ANKRD44: variants seen among roughly 807,000 people sequenced by gnomAD.
ANKRD44 encodes ankyrin repeat domain 44.
In ANKRD44, 35 loss-of-function variants were observed where a neutral mutation model predicts 116.0. The ratio of observed to expected loss-of-function variants is 0.30; its 90% CI spans 0.23 to 0.40. The LOEUF (loss-of-function observed/expected upper bound fraction) is 0.40. Ranked by LOEUF, ANKRD44 falls within the 10% of genes least tolerant of loss-of-function variation. The pLI, the probability that ANKRD44 is intolerant of heterozygous loss-of-function variation, is 1.00. For synonymous variants in ANKRD44, 435 were observed against 461.8 expected (o/e 0.94, Z 0.74); for missense variants, 1,014 against 1,242.6 (o/e 0.82, Z 2.77).
chr2:197,051,189 T>G (rs2077100261), intron 16 of ANKRD44, among the ~76,000 whole-genome samples: 3 of 151,866 alleles, frequency 2.0e-5, no homozygotes. Context: ...TCGAACTCCA[T>G]GGCTCAAGGG....
chr2:197,233,826 T>C (rs916070615), intron 1 of ANKRD44, among the ~76,000 whole-genome samples: 8 of 152,274 alleles, frequency 5.3e-5, no homozygotes, highest in African/African-American at 1.9e-4. Flanking sequence ...GGGATATCTA[T>C]GGACCATTTG....
intron 2 of ANKRD44, among the ~76,000 whole-genome samples, chr2:197,166,851 A>G (rs766286912): frequency 7.9e-5 from 12 of 152,250 alleles, no homozygotes; most frequent in Admixed American, 2.6e-4. Flanking sequence ...TCGCTAGGCT[A>G]TATTGACTTC....
intron 1 of ANKRD44, among the ~76,000 whole-genome samples, chr2:197,292,269 G>A (rs1024289057): frequency 8.5e-5 from 13 of 152,166 alleles, no homozygotes; most frequent in Admixed American, 3.3e-4. Flanking sequence ...CACAATGGTT[G>A]AACTAACTTA....
intron 23 of ANKRD44, 124 bp from the exon 24 acceptor site, chr2:196,999,176 T>C (rs1266981623): frequency 8.7e-7 from 1 of 1,148,476 alleles, no homozygotes; most frequent in Non-Finnish European, 1.2e-6. Flanking sequence ...ATAGACATAG[T>C]GATCAGGTCC....
intron 1 of ANKRD44, among the ~76,000 whole-genome samples, chr2:197,200,664 T>A (rs942986337): frequency 6.6e-6 from 1 of 152,120 alleles, no homozygotes; most frequent in African/African-American, 2.4e-5. Flanking sequence ...CCAAAACACA[T>A]ACAACGCTTG....
chr2:197,287,763 T>C (rs1158719971), intron 1 of ANKRD44, among the ~76,000 whole-genome samples: 1 of 152,176 alleles, frequency 6.6e-6, no homozygotes, highest in Non-Finnish European at 1.5e-5. Flanking sequence ...CTCACGCCTG[T>C]AATCCTAGCA....
chr2:197,205,939 AG>A (rs1460930374), intron 1 of ANKRD44, among the ~76,000 whole-genome samples: 2 of 152,164 alleles, frequency 1.3e-5, no homozygotes, highest in Admixed American at 6.5e-5. Context: ...ACTAGTTCAG[AG>A]GCTGGAGTGT....
intron 1 of ANKRD44, among the ~76,000 whole-genome samples, chr2:197,279,131 C>G (rs2083190968): frequency 6.6e-6 from 1 of 152,172 alleles, no homozygotes. Context: ...GATCGCATAT[C>G]CATCATTCAG....
intron 16 of ANKRD44, among the ~76,000 whole-genome samples, chr2:197,068,890 C>T (rs1278652094): frequency 6.6e-5 from 10 of 152,140 alleles, no homozygotes; most frequent in Admixed American, 2.0e-4. Context: ...GACAGTGTGG[C>T]GATTCCTCGA....
chr2:196,992,898 C>A (rs1252285320), intron 27 of ANKRD44: 1 of 152,554 alleles, frequency 6.6e-6, no homozygotes, highest in Non-Finnish European at 1.5e-5. Context: ...TCATAAACAT[C>A]CAGAAGTTCC....
chr2:197,291,988 G>A (rs2105878890), intron 1 of ANKRD44, among the ~76,000 whole-genome samples: 1 of 152,286 alleles, frequency 6.6e-6, no homozygotes, highest in African/African-American at 2.4e-5. Context: ...CCATGTCCCT[G>A]CAAAGGACAT....
chr2:197,126,343 C>G (rs2078974048), intron 4 of ANKRD44, among the ~76,000 whole-genome samples: 2 of 152,168 alleles, frequency 1.3e-5, no homozygotes, highest in South Asian at 2.1e-4. Context: ...TGAGAACACC[C>G]ATGTGCAAGT....
At chr2:197,206,153 G>A (rs1011507657) in intron 1 of ANKRD44, among the ~76,000 whole-genome samples, 2 of 152,210 alleles carry the variant, frequency 1.3e-5, no homozygotes, top group South Asian at 2.1e-4. Context: ...ATTCAGCTAA[G>A]AGGGGATGAC....
At chr2:197,009,344 G>A (rs1325511111) in intron 18 of ANKRD44, among the ~76,000 whole-genome samples, 2 of 151,862 alleles carry the variant, frequency 1.3e-5, no homozygotes, top group African/African-American at 4.8e-5. Context: ...CGCCAGCCTC[G>A]GCCTCCCAAA....
chr2:196,978,558 G>A (rs2075775975), intron 21 of ANKRD44, among the ~76,000 whole-genome samples: 1 of 152,106 alleles, frequency 6.6e-6, no homozygotes, highest in African/African-American at 2.4e-5. Context: ...TCTAGAATTG[G>A]CAAATTCATA....
In ANKRD44 at chr2:196,987,941, A is replaced by G; in HGVS notation, c.*1650T>C. 1 of 984,996 alleles carries G rather than the reference A, an allele frequency of 1.0e-6. No individual in the cohort carries two copies. Among genetic ancestry groups the G allele is most frequent in the South Asian group, 4.7e-5 (1 of 21,278 alleles). 61.0% of individuals were successfully genotyped at this position (984,996 alleles called of 1,614,324 possible). A position where few individuals can be genotyped will look rare whatever the true frequency, so the allele number is the denominator to read the frequency against. The stretch of plus-strand genomic sequence containing the variant: ...GTTTTTAAAGTCATTTCTTTAAAAA[A>G]ATTTTGCCTTGGGGTATGGGAGAAA... On this transcript the variant is annotated 3_prime_UTR_variant, in exon 28 of 28. Coordinates refer to ENST00000282272, the MANE Select transcript of ANKRD44 (RefSeq NM_001195144.2).
intron 2 of ANKRD44, among the ~76,000 whole-genome samples, chr2:197,163,211 G>A (rs978908558): frequency 2.0e-5 from 3 of 152,178 alleles, no homozygotes; most frequent in Admixed American, 1.3e-4. Flanking sequence ...TACCCAGTGG[G>A]TGAGAAAAAC....
At chr2:197,067,514 G>GA (rs1318655669) in intron 16 of ANKRD44, among the ~76,000 whole-genome samples, 6 of 142,328 alleles carry the variant, frequency 4.2e-5, no homozygotes, top group African/African-American at 1.6e-4. Context: ...AAATTTACAA[G>GA]AAAAAAACAA....
At chr2:197,080,642 G>T (rs1243308502) in intron 15 of ANKRD44, among the ~76,000 whole-genome samples, 3 of 152,146 alleles carry the variant, frequency 2.0e-5, no homozygotes, top group Admixed American at 1.3e-4. Context: ...TTTATTCACT[G>T]CTGCATTTCC....
Sources: allele counts gnomAD v4.1 joint callset (sites outside exome capture counted in the v4.1 genomes callset), GRCh38; gene constraint gnomAD v4.1.1; transcripts MANE v1.5; gene names NCBI Gene and HGNC (gene_info 2026-07-23, HGNC 2026-07-21).